TNN: variants seen among roughly 807,000 people sequenced by gnomAD.
TNN encodes the protein tenascin-N.
A neutral mutation model predicts 134.4 loss-of-function variants in TNN; 122 were observed. The ratio of observed to expected loss-of-function variants is 0.91; its 90% CI spans 0.78 to 1.06. The LOEUF (loss-of-function observed/expected upper bound fraction) is 1.06, where lower values mean the gene tolerates loss of function less well. TNN is among the 50% of genes least tolerant of loss of function. The probability of loss-of-function intolerance (pLI) is 0.00; values close to 1 mark genes in which losing one functional copy is unlikely to be tolerated. For missense variants in TNN, 1,739 were observed against 1,699.4 expected, an observed-to-expected ratio of 1.02 and a Z score of -0.41; for synonymous variants, 710 against 670.3, an observed-to-expected ratio of 1.06 and a Z score of -0.91.
chr1:175,090,504 G>T (rs1674420754), intron 6 of TNN, among the ~76,000 whole-genome samples: 1 of 152,068 alleles, frequency 6.6e-6, no homozygotes, highest in African/African-American at 2.4e-5. Context: ...TCCCGTCAGT[G>T]CCATCTTCTA....
intron 1 of TNN, among the ~76,000 whole-genome samples, chr1:175,074,787 T>C (rs1436834493): frequency 2.0e-5 from 3 of 152,232 alleles, no homozygotes; most frequent in Admixed American, 1.3e-4. Context: ...GGGTACAACA[T>C]GTATAATGGA....
chr1:175,077,162 G>C (rs535077446), intron 1 of TNN, among the ~76,000 whole-genome samples: 72 of 152,202 alleles, frequency 4.7e-4, no homozygotes, highest in African/African-American at 1.6e-3. Flanking sequence ...TGAAGAGAAG[G>C]GCATCCTGGG....
intron 12 of TNN, among the ~76,000 whole-genome samples, chr1:175,124,184 G>A (rs1013077728): frequency 6.6e-6 from 1 of 152,232 alleles, no homozygotes; most frequent in African/African-American, 2.4e-5. Context: ...AGGTCTATGA[G>A]CCTCTTCTGG....
At chr1:175,071,367 ATCC>A (rs1476937509) in intron 1 of TNN, among the ~76,000 whole-genome samples, 1 of 152,150 alleles carries the variant, frequency 6.6e-6, no homozygotes, top group Non-Finnish European at 1.5e-5. Context: ...TTCAGGGGCC[ATCC>A]TCCTCCCTTG....
At chr1:175,072,457 T>C (rs1021278895) in intron 1 of TNN, among the ~76,000 whole-genome samples, 3 of 152,176 alleles carry the variant, frequency 2.0e-5, no homozygotes, top group Admixed American at 1.3e-4. Context: ...TCCTCCCTAT[T>C]TGGAAATGTA....
At chr1:175,113,666 C>G (rs1574161798) in intron 9 of TNN, among the ~76,000 whole-genome samples, 1 of 152,136 alleles carries the variant, frequency 6.6e-6, no homozygotes, top group African/African-American at 2.4e-5. Context: ...CTTTTTACAT[C>G]TCTTTTCTTT....
At chr1:175,126,927 T>G in intron 12 of TNN, 28 bp from the exon 13 acceptor site, 1 of 1,588,864 alleles carries the variant, frequency 6.3e-7, no homozygotes. Context: ...ATCTTAGTAA[T>G]AACAATTACC....
chr1:175,073,269 T>C (rs993947273), intron 1 of TNN, among the ~76,000 whole-genome samples: 3 of 152,334 alleles, frequency 2.0e-5, no homozygotes, highest in East Asian at 1.9e-4. Flanking sequence ...TCAATGCCAC[T>C]GAGCCTCAGT....
chr1:175,112,071 G>A (rs1463379410), intron 9 of TNN, among the ~76,000 whole-genome samples: 1 of 151,920 alleles, frequency 6.6e-6, no homozygotes, highest in Admixed American at 6.6e-5. Flanking sequence ...TCTTGTTCTG[G>A]TTCTTAGAGA....
Position 175,079,366 on chromosome 1 carries a change from T to C in TNN, c.443T>C (p.Phe148Ser). 6.3e-7 allele frequency: 1 copy of C among 1,597,096 alleles called. No individual in the cohort carries two copies. Among genetic ancestry groups the C allele is most frequent in the Non-Finnish European group, 8.5e-7 (1 of 1,176,770 alleles). Reference protein sequence around the residue: ...LSRHCSGHGTFSLETCSCHCE... With the variant: ...LSRHCSGHGTSSLETCSCHCE... The stretch of plus-strand genomic sequence containing the variant: ...CGCCACTGCAGCGGCCACGGGACCT[T>C]CTCCCTGGAGACCTGCAGCTGCCAC... Residue 148 changes from phenylalanine to serine, a missense_variant, in exon 3 of 19, where the codon TTC becomes TCC. Coordinates refer to ENST00000239462, the MANE Select transcript of TNN (RefSeq NM_022093.2).
chr1:175,118,832 A>T lies in TNN; in HGVS notation c.2650+8A>T, dbSNP rs1406244376. The T allele has an allele frequency of 2.5e-6, 4 of 1,613,696 alleles. No individual in the cohort carries two copies. In the African/African-American group the frequency reaches 4.0e-5, roughly 16 times the overall value. On this transcript the variant is annotated splice_region_variant and intron_variant, in intron 11 of 18. Transcript: ENST00000239462. Reference sequence around the variant, plus strand: ...ACACCAAGGCCCAGACAGGTAATAGAAGTGAAGAGAAGAGCAAACCCGGGT... The same window carrying T: ...ACACCAAGGCCCAGACAGGTAATAGTAGTGAAGAGAAGAGCAAACCCGGGT...
chr1:175,121,631 C>A (rs6691774), intron 11 of TNN, among the ~76,000 whole-genome samples: 89,658 of 152,024 alleles, frequency 0.59, 26,471 homozygotes, highest in Admixed American at 0.6. Flanking sequence ...CAAAATGCTG[C>A]TTGTCTAGGT....
At chr1:175,102,334 G>A (rs996828443) in intron 9 of TNN, among the ~76,000 whole-genome samples, 3 of 146,230 alleles carry the variant, frequency 2.1e-5, no homozygotes, top group African/African-American at 7.4e-5. Flanking sequence ...GACGGGACTG[G>A]GTGCCATGGA....
intron 17 of TNN, among the ~76,000 whole-genome samples, chr1:175,139,183 C>G (rs919238575): frequency 3.9e-5 from 6 of 152,266 alleles, no homozygotes; most frequent in Admixed American, 3.9e-4. Context: ...TAAAAATGTT[C>G]TTTCTTCGTT....
chr1:175,146,690 A>G (rs1383720466), intron 18 of TNN, among the ~76,000 whole-genome samples: 1 of 151,678 alleles, frequency 6.6e-6, no homozygotes, highest in Non-Finnish European at 1.5e-5. Context: ...AGAGACCGCC[A>G]GCTTCCAAAT....
rs575793732 is a variant in TNN at position 175,147,987 on chromosome 1, G to A, written c.*916G>A. ...TTGCTTATTTTCTATCACTTTGGAG[G>A]GTTTTCTGTAGCAAAATCAGTGACC... On this transcript the variant is annotated 3_prime_UTR_variant, in exon 19 of 19. Transcript: ENST00000239462. 1.3e-5 allele frequency: 2 copies of A among 151,920 alleles called. No homozygotes were observed. Among genetic ancestry groups the A allele is most frequent in the South Asian group, 2.1e-4 (1 of 4,806 alleles). The allele number at this position is 151,920 out of a possible 1,614,324, so 9.4% of individuals were successfully genotyped here. A position where few individuals can be genotyped will look rare whatever the true frequency, so the allele number is the denominator to read the frequency against.
intron 6 of TNN, among the ~76,000 whole-genome samples, chr1:175,086,777 A>G (rs116082330): frequency 6.6e-6 from 1 of 152,356 alleles, no homozygotes; most frequent in African/African-American, 2.4e-5. Context: ...GGTAGACTGT[A>G]CAGTCTGCCT....
Position 175,118,621 on chromosome 1 carries a change from C to T in TNN, c.2447C>T (p.Ser816Phe), listed in dbSNP as rs778789960. 4.3e-6 allele frequency: 7 copies of T among 1,614,054 alleles called. No homozygotes were observed. Among genetic ancestry groups the T allele is most frequent in the Admixed American group, 1.7e-5 (1 of 60,014 alleles). ...GTGACAGAGAATACAGCCACTGTCT[C>T]CTGGGACCCGGTGCAGGCCACCATT... ...DWVTENTATVSWDPVQATIDR... is the reference protein window; with the variant it reads ...DWVTENTATVFWDPVQATIDR... Residue 816 changes from serine to phenylalanine, a missense_variant, in exon 11 of 19, where the codon TCC becomes TTC. Transcript: ENST00000239462.
chr1:175,144,672 A>G, intron 18 of TNN, 122 bp downstream of exon 18: 1 of 1,090,400 alleles, frequency 9.2e-7, no homozygotes. Context: ...AAAGCAGTAG[A>G]GCTTCTCCTC....
Sources: gnomAD v4.1 joint callset for allele counts (sites outside exome capture counted in the v4.1 genomes callset) on GRCh38, gnomAD v4.1.1 for gene constraint, MANE v1.5 for transcripts, NCBI Gene and HGNC (gene_info 2026-07-23, HGNC 2026-07-21) for gene names.